Variants in BRAF observed in about 807,000 individuals in gnomAD.
The protein encoded by BRAF is serine/threonine-protein kinase B-raf.
Under a neutral mutation model 104.6 loss-of-function variants are expected in BRAF, and 16 were observed. The ratio of observed to expected loss-of-function variants is 0.15; its 90% CI spans 0.10 to 0.23. BRAF has a LOEUF of 0.23. Ranked by LOEUF, BRAF falls within the 10% of genes least tolerant of loss-of-function variation. BRAF has a pLI of 1.00. For synonymous variants in BRAF, 310 were observed against 341.6 expected (o/e 0.91, Z 1.02); for missense variants, 541 against 937.3 (o/e 0.58, Z 5.52).
At position 140,726,087 on chromosome 7, in the gene BRAF, C is replaced by G. The variant is rs1377120823; in HGVS notation, c.*407G>C. 30 of 1,086,184 alleles carry G rather than the reference C, an allele frequency of 2.8e-5. No individual in the cohort carries two copies. The East Asian group carries it at 1.3e-3, about 49-fold the overall frequency. The allele number at this position is 1,086,184 out of a possible 1,614,324, so 67.3% of individuals were successfully genotyped here. On this transcript the variant is annotated 3_prime_UTR_variant, in exon 20 of 20. Coordinates refer to ENST00000644969, the MANE Select transcript of BRAF (RefSeq NM_001374258.1). ...AACGATGCTTGGTGATTGAAACTGC[C>G]CCATCAGATGATCAGCCACAAATTG...
intron 3 of BRAF, among the ~76,000 whole-genome samples, chr7:140,821,739 T>C (rs1805508806): frequency 6.6e-6 from 1 of 152,060 alleles, no homozygotes; most frequent in Non-Finnish European, 1.5e-5. Context: ...TCGGTATATA[T>C]ACATCCAAAA....
chr7:140,797,659 T>G (rs949574517), intron 7 of BRAF, among the ~76,000 whole-genome samples: 1 of 152,218 alleles, frequency 6.6e-6, no homozygotes, highest in Non-Finnish European at 1.5e-5. Flanking sequence ...AATTTTAAGA[T>G]AGCATTCCTT....
At chr7:140,808,824 A>C in intron 4 of BRAF, 68 bp downstream of exon 4, 1 of 1,320,168 alleles carries the variant, frequency 7.6e-7, no homozygotes, top group Non-Finnish European at 1.1e-6. Context: ...AAAGATCCTA[A>C]GAAAACTTCA....
At position 140,913,469 on chromosome 7, in the gene BRAF, CTTTTTTTTTTTTTTT is replaced by C. The variant is rs369746551; in HGVS notation, c.138+11082_138+11096del. 2.1e-4 allele frequency among the ~76,000 whole-genome samples: 12 copies of C among 56,998 alleles called. 1 individual carries two copies. Among genetic ancestry groups the C allele is most frequent in the Non-Finnish European group, 3.5e-4 (12 of 34,070 alleles). 37.4% of individuals were successfully genotyped at this position (56,998 alleles called of 152,430 possible). A position where few individuals can be genotyped will look rare whatever the true frequency, so the allele number is the denominator to read the frequency against. ...ATGACAAAGCAAATGTTAATCACAG[CTTTTTTTTTTTTTTT>C]TTTTTTTTTTTTTTTGTGAGACAGA... On this transcript the variant is annotated intron_variant, in intron 1 of 19. Coordinates refer to ENST00000644969, the MANE Select transcript of BRAF (RefSeq NM_001374258.1).
chr7:140,916,020 T>C (rs538322823), intron 1 of BRAF, among the ~76,000 whole-genome samples: 78 of 152,184 alleles, frequency 5.1e-4, no homozygotes, highest in Non-Finnish European at 9.3e-4. Context: ...AGGATTTTTT[T>C]TAAAAACTCT....
At chr7:140,801,657 ATATATT>A in intron 5 of BRAF, 97 bp from the exon 6 acceptor site, 1 of 1,302,096 alleles carries the variant, frequency 7.7e-7, no homozygotes. Context: ...CAAAGTTGTA[ATATATT>A]TATATCATGA....
At position 140,724,330 on chromosome 7, in the gene BRAF, T is replaced by C. The variant is rs1795479941; in HGVS notation, c.*2164A>G. 12 of 1,055,066 alleles carry C rather than the reference T, an allele frequency of 1.1e-5. No individual in the cohort carries two copies. The highest frequency in any genetic ancestry group is 1.4e-5 in the Non-Finnish European group (12 of 872,894). 65.4% of individuals were successfully genotyped at this position (1,055,066 alleles called of 1,614,324 possible). A position where few individuals can be genotyped will look rare whatever the true frequency, so the allele number is the denominator to read the frequency against. ...ACCTGCGGAAACTTGAAGCCAATCT[T>C]GGTAAAGGGAACACAGCCACATTTA... On this transcript the variant is annotated 3_prime_UTR_variant, in exon 20 of 20. Coordinates refer to ENST00000644969, the MANE Select transcript of BRAF (RefSeq NM_001374258.1).
intron 2 of BRAF, among the ~76,000 whole-genome samples, chr7:140,836,514 T>TA (rs1408579234): frequency 1.3e-4 from 17 of 128,644 alleles, no homozygotes; most frequent in African/African-American, 7.2e-4. Flanking sequence ...TAACAAGAGC[T>TA]ACTGAGGAAG....
rs571127639 is a variant in BRAF, at chr7:140,858,691, T to C, written c.139-8479A>G. On this transcript the variant is annotated intron_variant, in intron 1 of 19. Coordinates refer to ENST00000644969, the MANE Select transcript of BRAF (RefSeq NM_001374258.1). The stretch of plus-strand genomic sequence containing the variant: ...TGAACACATATCAGATGTAAGATGA[T>C]AGAATTTTAACCTTCCTACATATGA... Among the ~76,000 whole-genome samples the C allele has an allele frequency of 5.9e-5, 9 of 152,322 alleles. 1 individual carries two copies. The highest frequency in any genetic ancestry group is 1.9e-4 in the African/African-American group (8 of 41,572).
At position 140,723,463 on chromosome 7, in the gene BRAF, C is replaced by A. The variant is rs1462569429; in HGVS notation, c.*3031G>T. 2 of 1,053,516 alleles carry A rather than the reference C, an allele frequency of 1.9e-6. No homozygotes were observed. Among genetic ancestry groups the A allele is most frequent in the Admixed American group, 5.5e-5 (1 of 18,216 alleles). The allele number at this position is 1,053,516 out of a possible 1,614,324, so 65.3% of individuals were successfully genotyped here. On this transcript the variant is annotated 3_prime_UTR_variant, in exon 20 of 20. Transcript: ENST00000644969. ...CAAATACAATCAGGGGTGAGATATT[C>A]GGGAACCAGAATTTGACAGCTAGAC...
At chr7:140,917,212 C>T (rs1391878411) in intron 1 of BRAF, among the ~76,000 whole-genome samples, 1 of 152,168 alleles carries the variant, frequency 6.6e-6, no homozygotes, top group Non-Finnish European at 1.5e-5. Context: ...AGGTGCCCAC[C>T]ACCATGCTCG....
chr7:140,876,858 A>G (rs185126890), intron 1 of BRAF, among the ~76,000 whole-genome samples: 179 of 152,288 alleles, frequency 1.2e-3, no homozygotes, highest in African/African-American at 4.0e-3. Context: ...TCAAATGCAC[A>G]TGGAACACTC....
At chr7:140,912,382 G>A (rs1817084695) in intron 1 of BRAF, among the ~76,000 whole-genome samples, 1 of 152,078 alleles carries the variant, frequency 6.6e-6, no homozygotes, top group Non-Finnish European at 1.5e-5. Context: ...TCTGCTTAAT[G>A]GCCTATTATC....
intron 2 of BRAF, among the ~76,000 whole-genome samples, chr7:140,839,660 G>T (rs935034913): frequency 6.6e-6 from 1 of 152,120 alleles, no homozygotes; most frequent in African/African-American, 2.4e-5. Flanking sequence ...AGCCCAGGAG[G>T]TAGAGGCTGC....
At chr7:140,874,959 G>C (rs6979040) in intron 1 of BRAF, among the ~76,000 whole-genome samples, 71 of 152,252 alleles carry the variant, frequency 4.7e-4, no homozygotes, top group African/African-American at 1.5e-3. Flanking sequence ...CCAGCCATGA[G>C]AGATATGCCT....
At chr7:140,825,397 A>C (rs1435704761) in intron 3 of BRAF, among the ~76,000 whole-genome samples, 1 of 152,158 alleles carries the variant, frequency 6.6e-6, no homozygotes, top group Non-Finnish European at 1.5e-5. Flanking sequence ...TCTTTTGAAG[A>C]GCAGAAGTTT....
At chr7:140,922,165 T>C (rs1025994580) in intron 1 of BRAF, among the ~76,000 whole-genome samples, 2 of 152,096 alleles carry the variant, frequency 1.3e-5, no homozygotes, top group Non-Finnish European at 1.5e-5. Context: ...AAAACCTGGG[T>C]AAAGAGGACA....
intron 18 of BRAF, among the ~76,000 whole-genome samples, chr7:140,736,227 C>A (rs557279044): frequency 6.6e-6 from 1 of 151,034 alleles, no homozygotes; most frequent in Non-Finnish European, 1.5e-5. Context: ...TGTGCCACCA[C>A]GCCCGGATAA....
intron 14 of BRAF, among the ~76,000 whole-genome samples, chr7:140,761,311 T>TAA (rs1798704187): frequency 6.6e-6 from 1 of 151,918 alleles, no homozygotes; most frequent in Non-Finnish European, 1.5e-5. Flanking sequence ...GAAGGAGAAA[T>TAA]AAAATACTTT....
Sources: allele counts gnomAD v4.1 joint callset (sites outside exome capture counted in the v4.1 genomes callset), GRCh38; gene constraint gnomAD v4.1.1; transcripts MANE v1.5; gene names NCBI Gene and HGNC (gene_info 2026-07-23, HGNC 2026-07-21).